The following PCDHGA9 variants were observed in gnomAD, a reference collection of about 807,000 sequenced individuals.
PCDHGA9 encodes the protein protocadherin gamma subfamily A, 9, also known as protocadherin gamma-A9.
In PCDHGA9, 37 loss-of-function variants were observed where a neutral mutation model predicts 62.5. The observed-to-expected ratio is 0.59, with a 90% CI of 0.46 to 0.78. The LOEUF (loss-of-function observed/expected upper bound fraction) is 0.78, where lower values mean the gene tolerates loss of function less well. Among genes scored for constraint, PCDHGA9 ranks in the 30% least tolerant of loss-of-function variants. PCDHGA9 has a pLI of 0.00. For synonymous variants in PCDHGA9, 459 were observed against 484.6 expected (o/e 0.95, Z 0.69); for missense variants, 1,138 against 1,166.2 (o/e 0.98, Z 0.35).
rs528779386 is a variant in PCDHGA9, at chr5:141,509,416, C to T, written c.2573-1531C>T. Among the ~76,000 whole-genome samples, 4 of 152,258 alleles carry T rather than the reference C, an allele frequency of 2.6e-5. No individual in the cohort carries two copies. In the East Asian group the frequency reaches 7.7e-4, roughly 29 times the overall value. ...TCTCAGGGCCTCCAGCAGCGAGCCCCAATGAGTCAAACTCTTGTTTCCTCC... is the reference window on the plus strand; with the variant it reads ...TCTCAGGGCCTCCAGCAGCGAGCCCTAATGAGTCAAACTCTTGTTTCCTCC... On this transcript the variant is annotated intron_variant, in intron 3 of 3. Transcript: ENST00000573521.
intron 2 of PCDHGA9, among the ~76,000 whole-genome samples, chr5:141,499,576 G>C (rs2099792836): frequency 1.3e-5 from 2 of 151,790 alleles, no homozygotes; most frequent in Non-Finnish European, 2.9e-5. Context: ...TTCAACTAAT[G>C]CCTTATCTTG....
intron 1 of PCDHGA9, chr5:141,415,979 C>T (rs2095978015): frequency 2.8e-6 from 1 of 351,190 alleles, no homozygotes; most frequent in Middle Eastern, 8.3e-4. Flanking sequence ...TTAAGCAACC[C>T]TCTTGTTCTG....
At chr5:141,436,439 A>G (rs1481744238) in intron 1 of PCDHGA9, among the ~76,000 whole-genome samples, 5 of 152,208 alleles carry the variant, frequency 3.3e-5, no homozygotes, top group African/African-American at 1.2e-4. Flanking sequence ...TCTGGGGATT[A>G]CCTGATACCA....
chr5:141,446,821 T>C lies in PCDHGA9; in HGVS notation c.2424+41445T>C, dbSNP rs183143971. ...CATTGTGATCATCTAGTCAGATGGG[T>C]AGATCCTTATAAGGCTGAGCATAAT... On this transcript the variant is annotated intron_variant, in intron 1 of 3. Coordinates refer to ENST00000573521, the MANE Select transcript of PCDHGA9 (RefSeq NM_018921.3). 1.6e-3 allele frequency among the ~76,000 whole-genome samples: 244 copies of C among 152,302 alleles called. 2 individuals carry two copies. The highest frequency in any genetic ancestry group is 5.4e-3 in the African/African-American group (223 of 41,572).
Position 141,422,774 on chromosome 5 carries a change from A to G in PCDHGA9, c.2424+17398A>G, listed in dbSNP as rs372343628. On this transcript the variant is annotated intron_variant, in intron 1 of 3. Coordinates refer to ENST00000573521, the MANE Select transcript of PCDHGA9 (RefSeq NM_018921.3). ...ATTAACTCCAACACTGGTGTTCTCT[A>G]TGCCCTACAATCCTTCGACTATGAG... 100 of 1,613,880 alleles carry G rather than the reference A, an allele frequency of 6.2e-5. 1 individual carries two copies. In the Middle Eastern group the frequency reaches 1.3e-3, roughly 21 times the overall value.
At position 141,402,820 on chromosome 5, in the gene PCDHGA9, C is replaced by G. The variant is rs1351401631; in HGVS notation, c.-133C>G. 2 of 1,288,046 alleles carry G rather than the reference C, an allele frequency of 1.6e-6. No homozygotes were observed. Among genetic ancestry groups the G allele is most frequent in the Admixed American group, 5.9e-5 (2 of 33,856 alleles). The allele number at this position is 1,288,046 out of a possible 1,614,324, so 79.8% of individuals were successfully genotyped here. On this transcript the variant is annotated 5_prime_UTR_variant, in exon 1 of 4. Transcript: ENST00000573521. ...AAACCCGGCAGATACCACAAACCTG[C>G]TCCCAGGCTGCAGCAAAACTCAGCC...
intron 1 of PCDHGA9, among the ~76,000 whole-genome samples, chr5:141,465,159 A>C (rs1333891587): frequency 6.6e-6 from 1 of 151,952 alleles, no homozygotes; most frequent in East Asian, 1.9e-4. Flanking sequence ...AGGGACTCTA[A>C]ATGTTTATGA....
intron 2 of PCDHGA9, among the ~76,000 whole-genome samples, chr5:141,503,570 G>T (rs996006002): frequency 3.4e-4 from 50 of 147,216 alleles, no homozygotes; most frequent in African/African-American, 1.2e-3. Context: ...CTGTACTCCA[G>T]CCTGGGTGAC....
chr5:141,408,263 C>G, intron 1 of PCDHGA9: 1 of 1,606,854 alleles, frequency 6.2e-7, no homozygotes. Flanking sequence ...ATTTCCTTTG[C>G]TGCTGCCTTT....
chr5:141,418,822 A>C (rs780172404), intron 1 of PCDHGA9: 9 of 1,613,988 alleles, frequency 5.6e-6, no homozygotes, highest in Non-Finnish European at 7.6e-6. Flanking sequence ...ACATAGAAGC[A>C]AAAGACCGAG....
rs1486554010 is a variant in PCDHGA9 at position 141,431,630 on chromosome 5, G to C, written c.2424+26254G>C. Reference sequence around the variant, plus strand: ...GTATGTGGACGACAAGGCGGCCCAAGTTTTCAAACTAGATTGTAATTCAGG... The same window carrying C: ...GTATGTGGACGACAAGGCGGCCCAACTTTTCAAACTAGATTGTAATTCAGG... On this transcript the variant is annotated intron_variant, in intron 1 of 3. Transcript: ENST00000573521. This position sits in a 1 kb window ranked among gnomAD's most constrained non-coding sequence, Gnocchi z 4.8. 6.2e-7 allele frequency: 1 copy of C among 1,614,250 alleles called. No individual in the cohort carries two copies. Among genetic ancestry groups the C allele is most frequent in the East Asian group, 2.2e-5 (1 of 44,882 alleles).
intron 1 of PCDHGA9, among the ~76,000 whole-genome samples, chr5:141,462,479 GGTT>G (rs1329069527): frequency 6.6e-6 from 1 of 151,838 alleles, no homozygotes; most frequent in Non-Finnish European, 1.5e-5. Flanking sequence ...TGCTTCTCGT[GGTT>G]GTTGTATCCT....
chr5:141,488,681 C>G, intron 1 of PCDHGA9, among the ~76,000 whole-genome samples: 1 of 152,204 alleles, frequency 6.6e-6, no homozygotes, highest in East Asian at 1.9e-4. Flanking sequence ...GGCTTTGCCT[C>G]TCCCAGAAGG....
chr5:141,475,990 A>T, intron 1 of PCDHGA9: 1 of 1,140,672 alleles, frequency 8.8e-7, no homozygotes, highest in Non-Finnish European at 1.2e-6. Context: ...CGGCGAGCAA[A>T]TCAACGGCAT....
chr5:141,410,118 G>T (rs2095358965), intron 1 of PCDHGA9: 3 of 1,612,304 alleles, frequency 1.9e-6, no homozygotes, highest in East Asian at 4.5e-5. Context: ...GACGCAGCCC[G>T]CCAGCGCCTG....
At chr5:141,510,286 A>G (rs1011677966) in intron 3 of PCDHGA9, among the ~76,000 whole-genome samples, 1 of 151,770 alleles carries the variant, frequency 6.6e-6, no homozygotes, top group African/African-American at 2.4e-5. Flanking sequence ...AAAAAAAAAA[A>G]AAAAATGCTG....
At chr5:141,451,945 C>T (rs906800803) in intron 1 of PCDHGA9, among the ~76,000 whole-genome samples, 1 of 151,970 alleles carries the variant, frequency 6.6e-6, no homozygotes, top group Non-Finnish European at 1.5e-5. Flanking sequence ...AGGGAAAGAC[C>T]GAGAAAGTGA....
chr5:141,472,164 G>C (rs2099273083), intron 1 of PCDHGA9, among the ~76,000 whole-genome samples: 1 of 152,158 alleles, frequency 6.6e-6, no homozygotes, highest in Non-Finnish European at 1.5e-5. Flanking sequence ...TAGCTACTAG[G>C]TGTAATATCC....
chr5:141,414,463 G>T, intron 1 of PCDHGA9: 1 of 1,613,932 alleles, frequency 6.2e-7, no homozygotes. Flanking sequence ...GACAGCCACA[G>T]ATGGGGGAAG....
Sources: gnomAD v4.1 joint callset for allele counts (sites outside exome capture counted in the v4.1 genomes callset) on GRCh38, gnomAD v4.1.1 for gene constraint, Gnocchi (gnomAD v3.1) non-coding constraint, MANE v1.5 for transcripts, NCBI Gene and HGNC (gene_info 2026-07-23, HGNC 2026-07-21) for gene names.